SOX5: variants seen among roughly 807,000 people sequenced by gnomAD.
SOX5 encodes SRY-box transcription factor 5, also known as transcription factor SOX-5.
SOX5 carries 9 observed loss-of-function variants against 92.0 expected under a neutral mutation model. The observed-to-expected ratio is 0.10, with a 90% CI of 0.06 to 0.17. The LOEUF (loss-of-function observed/expected upper bound fraction) is 0.17, where lower values mean the gene tolerates loss of function less well. Among genes scored for constraint, SOX5 ranks in the 10% least tolerant of loss-of-function variants. The pLI is 1.00. For synonymous variants in SOX5, 344 were observed against 336.3 expected, an observed-to-expected ratio of 1.02 and a Z score of -0.25; for missense variants, 642 against 944.5, an observed-to-expected ratio of 0.68 and a Z score of 4.20.
At chr12:23,760,317 A>G (rs1347471310) in intron 3 of SOX5, among the ~76,000 whole-genome samples, 2 of 152,138 alleles carry the variant, frequency 1.3e-5, no homozygotes, top group African/African-American at 4.8e-5. Context: ...ATGGAATACA[A>G]AACCAGGTTC....
At chr12:24,422,047 G>C (rs955630901) in intron 1 of SOX5, among the ~76,000 whole-genome samples, 2 of 152,178 alleles carry the variant, frequency 1.3e-5, no homozygotes, top group Non-Finnish European at 2.9e-5. Flanking sequence ...CAATGACCTT[G>C]GTCAAGGTAA....
intron 4 of SOX5, among the ~76,000 whole-genome samples, chr12:24,203,581 C>T (rs999534525): frequency 3.9e-5 from 6 of 152,152 alleles, no homozygotes; most frequent in African/African-American, 1.4e-4. Context: ...AATAACCAGG[C>T]TTCATTCTAG....
intron 1 of SOX5, among the ~76,000 whole-genome samples, chr12:23,930,869 G>A (rs977657602): frequency 1.3e-5 from 2 of 151,480 alleles, no homozygotes; most frequent in African/African-American, 4.8e-5. Flanking sequence ...CTTTGCTTTC[G>A]GTTCTCACCT....
intron 4 of SOX5, among the ~76,000 whole-genome samples, chr12:23,754,208 G>A (rs1044217291): frequency 2.6e-5 from 4 of 151,296 alleles, no homozygotes; most frequent in Non-Finnish European, 5.9e-5. Flanking sequence ...GAAGGAAAAC[G>A]AGGGAGGGGA....
At chr12:24,025,354 C>A (rs1053015488) in intron 4 of SOX5, among the ~76,000 whole-genome samples, 6 of 152,086 alleles carry the variant, frequency 3.9e-5, no homozygotes, top group African/African-American at 1.4e-4. Context: ...TAAACTCATG[C>A]AAAAGGTTTG....
chr12:23,705,818 A>G (rs913830721), intron 6 of SOX5, among the ~76,000 whole-genome samples: 1 of 152,090 alleles, frequency 6.6e-6, no homozygotes, highest in African/African-American at 2.4e-5. Context: ...GCATGCAGGA[A>G]GAAAGGAGCC....
intron 3 of SOX5, among the ~76,000 whole-genome samples, chr12:23,806,301 T>C (rs1273547033): frequency 1.3e-5 from 2 of 151,970 alleles, no homozygotes; most frequent in Non-Finnish European, 2.9e-5. Flanking sequence ...GACAAGAATA[T>C]AAAGGACAAC....
chr12:24,545,926 A>C lies in SOX5; in HGVS notation c.-251+16403T>G, dbSNP rs182839564. Among the ~76,000 whole-genome samples the C allele has an allele frequency of 2.9e-3, 449 of 152,282 alleles. 5 individuals are homozygous for C. In the South Asian group the frequency reaches 0.032, roughly 11 times the overall value. On this transcript the variant is annotated intron_variant, in intron 1 of 4. Transcript: ENST00000446891. ...CTCCCCATTGGCGAGCTGAAGCCTC[A>C]GCTGCATCACAGTCAACATCTCCTC...
chr12:24,134,809 A>G (rs1164473181), intron 4 of SOX5, among the ~76,000 whole-genome samples: 1 of 152,222 alleles, frequency 6.6e-6, no homozygotes, highest in African/African-American at 2.4e-5. Context: ...ATTCACTTTT[A>G]AACACTGAAC....
At chr12:24,359,092 G>A (rs1955206909) in intron 2 of SOX5, among the ~76,000 whole-genome samples, 1 of 152,190 alleles carries the variant, frequency 6.6e-6, no homozygotes, top group Admixed American at 6.5e-5. Context: ...AGTACATAAT[G>A]CAGTGACTAC....
At chr12:24,182,116 T>C (rs943831449) in intron 4 of SOX5, among the ~76,000 whole-genome samples, 1 of 152,178 alleles carries the variant, frequency 6.6e-6, no homozygotes, top group African/African-American at 2.4e-5. Context: ...TTAGAGATAA[T>C]AGTTATTAAT....
rs543987859 is a variant in SOX5, at chr12:24,321,180, T to C, written c.-173-43868A>G. 2.0e-5 allele frequency among the ~76,000 whole-genome samples: 3 copies of C among 152,334 alleles called. No individual in the cohort carries two copies. In the South Asian group the frequency reaches 6.2e-4, roughly 32 times the overall value. On this transcript the variant is annotated intron_variant, in intron 2 of 4. Transcript: ENST00000446891. ...CTTGTAAAGCTGACTGATTCATCTA[T>C]GGATTAAAAATGTCTAAGAACTCAC...
chr12:24,329,016 A>G (rs1001532050), intron 2 of SOX5, among the ~76,000 whole-genome samples: 3 of 152,218 alleles, frequency 2.0e-5, no homozygotes, highest in African/African-American at 7.2e-5. Context: ...GGTATGTATT[A>G]ACACTTAAGG....
intron 1 of SOX5, among the ~76,000 whole-genome samples, chr12:24,450,550 A>G (rs1942143274): frequency 6.6e-6 from 1 of 151,982 alleles, no homozygotes. Context: ...GCTGGAATGC[A>G]GTGGTACAAT....
rs776887695 is a variant in SOX5, at chr12:23,534,399, A to C, written c.2112T>G (p.Pro704=). Residue 704 remains proline, a synonymous_variant, in exon 15 of 15, where the codon CCT becomes CCG. Transcript: ENST00000451604. ...EHSSVSSSPE[P]GMPVIQSTYG... ...AAGTGCTCTGGATAACAGGCATCCC[A>C]GGCTCTGGGCTGCTAGACACGCTTG... 1 of 1,614,108 alleles carries C rather than the reference A, an allele frequency of 6.2e-7. No homozygotes were observed.
At chr12:23,684,664 A>G (rs2087206838) in intron 6 of SOX5, among the ~76,000 whole-genome samples, 1 of 152,114 alleles carries the variant, frequency 6.6e-6, no homozygotes, top group East Asian at 1.9e-4. Flanking sequence ...ATCCTGATAC[A>G]AAGAACTGCA....
intron 2 of SOX5, among the ~76,000 whole-genome samples, chr12:24,278,724 A>C (rs1944799565): frequency 6.6e-6 from 1 of 152,084 alleles, no homozygotes; most frequent in African/African-American, 2.4e-5. Flanking sequence ...AAAGCAAACA[A>C]ACAAAAGCCA....
intron 3 of SOX5, among the ~76,000 whole-genome samples, chr12:23,784,452 G>T (rs750319265): frequency 4.0e-5 from 6 of 151,792 alleles, no homozygotes; most frequent in Non-Finnish European, 7.4e-5. Flanking sequence ...TCAGCCTCCC[G>T]AGTAGCTGGC....
At chr12:24,071,504 G>C (rs1246090097) in intron 4 of SOX5, among the ~76,000 whole-genome samples, 1 of 152,032 alleles carries the variant, frequency 6.6e-6, no homozygotes, top group Non-Finnish European at 1.5e-5. Flanking sequence ...GCGCGATCTC[G>C]GCTCACTGCA....
Sources: allele counts gnomAD v4.1 joint callset (sites outside exome capture counted in the v4.1 genomes callset), GRCh38; gene constraint gnomAD v4.1.1; transcripts MANE v1.5; gene names NCBI Gene and HGNC (gene_info 2026-07-23, HGNC 2026-07-21).